Variants in MYO1D observed in about 807,000 individuals in gnomAD.
MYO1D encodes myosin ID, also known as unconventional myosin-Id.
In MYO1D, 83 loss-of-function variants were observed where a neutral mutation model predicts 122.0. That is an observed-to-expected ratio of 0.68 (90% confidence interval 0.57 to 0.82). The LOEUF (loss-of-function observed/expected upper bound fraction) is 0.82. MYO1D is among the 40% of genes least tolerant of loss of function. The probability of loss-of-function intolerance (pLI) is 0.00; values close to 1 mark genes in which losing one functional copy is unlikely to be tolerated. For missense variants in MYO1D, 1,157 were observed against 1,269.5 expected (o/e 0.91, Z 1.35); for synonymous variants, 464 against 446.9 (o/e 1.04, Z -0.48).
chr17:32,494,927 A>C lies in MYO1D; in HGVS notation c.2865-12T>G. 6.3e-7 allele frequency: 1 copy of C among 1,578,614 alleles called. No homozygotes were observed. Reference sequence around the variant, plus strand: ...GGTGGCGCTTCTCACTGCAGGAACCAAAAACACCAGACGGGCAGTTAGCAG... The same window carrying C: ...GGTGGCGCTTCTCACTGCAGGAACCCAAAACACCAGACGGGCAGTTAGCAG... On this transcript the variant is annotated splice_polypyrimidine_tract_variant and intron_variant, in intron 21 of 21. Coordinates refer to ENST00000318217, the MANE Select transcript of MYO1D (RefSeq NM_015194.3).
chr17:32,729,944 T>C (rs189590043), intron 14 of MYO1D, among the ~76,000 whole-genome samples: 2 of 152,178 alleles, frequency 1.3e-5, no homozygotes, highest in African/African-American at 4.8e-5. Flanking sequence ...CACTAATAAA[T>C]AGCATATATC....
intron 15 of MYO1D, among the ~76,000 whole-genome samples, chr17:32,714,325 G>T (rs1485087561): frequency 1.3e-5 from 2 of 151,940 alleles, no homozygotes; most frequent in African/African-American, 2.4e-5. Context: ...GTGCGGTTTG[G>T]TTTTCTGTTC....
At chr17:32,504,378 G>T (rs1325284437) in intron 21 of MYO1D, among the ~76,000 whole-genome samples, 1 of 152,176 alleles carries the variant, frequency 6.6e-6, no homozygotes, top group South Asian at 2.1e-4. Flanking sequence ...CTCATGGAGC[G>T]CCCAGGGTGG....
chr17:32,536,562 ATCTTATGTGCTGGCTTAAATTC>A (rs1400284593), intron 21 of MYO1D, among the ~76,000 whole-genome samples: 1 of 152,210 alleles, frequency 6.6e-6, no homozygotes, highest in Non-Finnish European at 1.5e-5. Flanking sequence ...TGAGTTATAG[ATCTTATGTGCTGGCTTAAATTC>A]CTAAGTTTTC....
chr17:32,575,969 A>G (rs2087275409), intron 21 of MYO1D, among the ~76,000 whole-genome samples: 1 of 152,212 alleles, frequency 6.6e-6, no homozygotes, highest in African/African-American at 2.4e-5. Context: ...CCCTCATCTA[A>G]GAGATGTGAC....
intron 16 of MYO1D, among the ~76,000 whole-genome samples, chr17:32,698,315 CTCCT>C (rs1220119798): frequency 1.8e-5 from 2 of 108,786 alleles, no homozygotes; most frequent in Non-Finnish European, 3.8e-5. Context: ...TCCCCCTTCC[CTCCT>C]TCCTTCCTTC....
intron 1 of MYO1D, among the ~76,000 whole-genome samples, chr17:32,808,693 C>T (rs946743190): frequency 2.6e-5 from 4 of 152,246 alleles, no homozygotes; most frequent in African/African-American, 9.6e-5. Context: ...GACTAGTGCC[C>T]TTACAGGAAG....
intron 21 of MYO1D, among the ~76,000 whole-genome samples, chr17:32,582,420 A>G (rs1328896929): frequency 1.3e-5 from 2 of 152,274 alleles, no homozygotes; most frequent in East Asian, 3.9e-4. Flanking sequence ...TTTGACCTAT[A>G]AGTTACTTTG....
intron 1 of MYO1D, among the ~76,000 whole-genome samples, chr17:32,847,612 T>C (rs1191737599): frequency 6.6e-6 from 1 of 152,186 alleles, no homozygotes; most frequent in Non-Finnish European, 1.5e-5. Flanking sequence ...CCTCTGGGGT[T>C]CAAGCAATTC....
At chr17:32,601,728 A>G (rs2087564898) in intron 21 of MYO1D, among the ~76,000 whole-genome samples, 1 of 152,210 alleles carries the variant, frequency 6.6e-6, no homozygotes, top group Non-Finnish European at 1.5e-5. Context: ...AAATGGTGCT[A>G]ATAGACTTGA....
chr17:32,763,903 G>C (rs1178117091), intron 8 of MYO1D, among the ~76,000 whole-genome samples: 4 of 151,920 alleles, frequency 2.6e-5, no homozygotes, highest in Non-Finnish European at 5.9e-5. Context: ...CTGGATGGCA[G>C]AGCAAGACTC....
At chr17:32,847,571 G>A (rs1216286494) in intron 1 of MYO1D, among the ~76,000 whole-genome samples, 1 of 152,194 alleles carries the variant, frequency 6.6e-6, no homozygotes, top group African/African-American at 2.4e-5. Flanking sequence ...CTGGAGTGCA[G>A]TGGCACAATC....
intron 1 of MYO1D, among the ~76,000 whole-genome samples, chr17:32,816,152 G>A (rs1047446233): frequency 1.1e-4 from 17 of 152,144 alleles, no homozygotes; most frequent in Non-Finnish European, 2.4e-4. Context: ...TGCATTAAGC[G>A]TCTGGGAGTG....
chr17:32,654,557 C>T lies in MYO1D; in HGVS notation c.2410G>A (p.Val804Ile). ...ASDLPQVRAK[V>I]AAVEMLKGQR... ...CCCTTCAACATTTCCACGGCTGCAACCTTTGCCCTGACCTGGGGCAGGTCT... is the reference window on the plus strand; with the variant it reads ...CCCTTCAACATTTCCACGGCTGCAATCTTTGCCCTGACCTGGGGCAGGTCT... Residue 804 changes from valine (V) to isoleucine (I), a missense_variant, in exon 18 of 22, where the codon GTT becomes ATT. Transcript: ENST00000318217. The T allele has an allele frequency of 2.5e-6, 4 of 1,614,114 alleles. No individual in the cohort carries two copies. The highest frequency in any genetic ancestry group is 1.3e-5 in the African/African-American group (1 of 75,052).
rs778394704 is a variant in MYO1D at position 32,767,616 on chromosome 17, T to C, written c.831+20A>G. ...GTTCTCAGCAGAAGACAATACATTC[T>C]GAGAGGTGTCCCTACTCACCAAGTG... On this transcript the variant is annotated intron_variant, in intron 7 of 21. Coordinates refer to ENST00000318217, the MANE Select transcript of MYO1D (RefSeq NM_015194.3). 6.7e-7 allele frequency: 1 copy of C among 1,482,004 alleles called. No homozygotes were observed. Among genetic ancestry groups the C allele is most frequent in the African/African-American group, 1.4e-5 (1 of 72,186 alleles). 91.8% of individuals were successfully genotyped at this position (1,482,004 alleles called of 1,614,324 possible).
intron 1 of MYO1D, among the ~76,000 whole-genome samples, chr17:32,842,607 CCAGA>C (rs2151075013): frequency 6.6e-6 from 1 of 152,264 alleles, no homozygotes; most frequent in East Asian, 1.9e-4. Flanking sequence ...TCTACCCCAA[CCAGA>C]CAAAGCTGTG....
rs192343046 is a variant in MYO1D at position 32,578,018 on chromosome 17, C to T, written c.2864+27069G>A. ...CCTCCCAAAGCGCTGGGATTACAGGCGTGAGCCACCGCGCCCAGCCTCAGA... is the reference window on the plus strand; with the variant it reads ...CCTCCCAAAGCGCTGGGATTACAGGTGTGAGCCACCGCGCCCAGCCTCAGA... On this transcript the variant is annotated intron_variant, in intron 21 of 21. Coordinates refer to ENST00000318217, the MANE Select transcript of MYO1D (RefSeq NM_015194.3). Among the ~76,000 whole-genome samples the T allele has an allele frequency of 1.2e-4, 19 of 152,304 alleles. 1 individual carries two copies. The highest frequency in any genetic ancestry group is 4.3e-4 in the African/African-American group (18 of 41,566).
intron 21 of MYO1D, among the ~76,000 whole-genome samples, chr17:32,541,023 G>A (rs1910825085): frequency 6.6e-6 from 1 of 151,912 alleles, no homozygotes; most frequent in Non-Finnish European, 1.5e-5. Flanking sequence ...CACCTGCTTT[G>A]GGAAATGGTT....
rs754080946 is a variant in MYO1D at position 32,721,103 on chromosome 17, T to G, written c.1833A>C (p.Glu611Asp). ...TCACATTTTCCAGTAGTCCAAGATA[T>G]TCTACTTGGTGCCGGCAGCGTTCAT... Reference protein sequence around the residue: ...FDDERCRHQVEYLGLLENVRV... With the variant: ...FDDERCRHQVDYLGLLENVRV... Residue 611 changes from glutamate to aspartate, a missense_variant, in exon 15 of 22, where the codon GAA (glutamate) becomes GAC (aspartate). Coordinates refer to ENST00000318217, the MANE Select transcript of MYO1D (RefSeq NM_015194.3). 6 of 1,613,960 alleles carry G rather than the reference T, an allele frequency of 3.7e-6. No individual in the cohort carries two copies. Among genetic ancestry groups the G allele is most frequent in the East Asian group, 2.2e-5 (1 of 44,886 alleles).
Sources: allele counts gnomAD v4.1 joint callset (sites outside exome capture counted in the v4.1 genomes callset), GRCh38; gene constraint gnomAD v4.1.1; transcripts MANE v1.5; gene names NCBI Gene and HGNC (gene_info 2026-07-23, HGNC 2026-07-21).